The following DLGAP2 variants were observed in gnomAD, a reference collection of about 807,000 sequenced individuals.
The protein encoded by DLGAP2 is DLG associated protein 2.
Under a neutral mutation model 100.3 loss-of-function variants are expected in DLGAP2, and 26 were observed. That is an observed-to-expected ratio of 0.26 (90% CI 0.19 to 0.36). The LOEUF (loss-of-function observed/expected upper bound fraction) is 0.36. DLGAP2 is among the 10% of genes least tolerant of loss of function. DLGAP2 has a pLI of 1.00. For synonymous variants in DLGAP2, 886 were observed against 630.1 expected (o/e 1.41, Z -6.08); for missense variants, 1,858 against 1,453.2 (o/e 1.28, Z -4.53).
At chr8:1,519,427 C>T (rs1324255388) in intron 4 of DLGAP2, among the ~76,000 whole-genome samples, 1 of 152,158 alleles carries the variant, frequency 6.6e-6, no homozygotes, top group Non-Finnish European at 1.5e-5. Flanking sequence ...CTGAAAGGGC[C>T]TTTGCAATTC....
At chr8:871,351 A>G (rs1404159700) in intron 1 of DLGAP2, among the ~76,000 whole-genome samples, 1 of 152,200 alleles carries the variant, frequency 6.6e-6, no homozygotes, top group East Asian at 1.9e-4. Flanking sequence ...TTCCATTTGC[A>G]CTTTGGGTTA....
chr8:1,341,513 G>A (rs1329367098), intron 3 of DLGAP2, among the ~76,000 whole-genome samples: 1 of 152,178 alleles, frequency 6.6e-6, no homozygotes, highest in Non-Finnish European at 1.5e-5. Context: ...CCTACAGTAT[G>A]GGCTGGATGA....
chr8:1,245,595 G>T (rs1028788241), intron 2 of DLGAP2, among the ~76,000 whole-genome samples: 1 of 152,196 alleles, frequency 6.6e-6, no homozygotes, highest in Admixed American at 6.5e-5. Flanking sequence ...TGGAAATGAG[G>T]GTTAACTGCC....
At chr8:1,049,559 G>T (rs1340433880) in intron 2 of DLGAP2, among the ~76,000 whole-genome samples, 1 of 151,962 alleles carries the variant, frequency 6.6e-6, no homozygotes, top group Non-Finnish European at 1.5e-5. Context: ...AAAAGGTAGG[G>T]CGTATACAAA....
At chr8:1,496,212 C>T (rs948644651) in intron 3 of DLGAP2, among the ~76,000 whole-genome samples, 27 of 152,152 alleles carry the variant, frequency 1.8e-4, no homozygotes, top group South Asian at 2.1e-4. Context: ...GTTCTGCCTC[C>T]CTCCATCATC....
chr8:1,528,303 G>C (rs551241182), intron 4 of DLGAP2, among the ~76,000 whole-genome samples: 25 of 152,322 alleles, frequency 1.6e-4, no homozygotes, highest in Middle Eastern at 6.8e-3. Context: ...AGGAGGACCT[G>C]AGCCCACGAA....
intron 1 of DLGAP2, among the ~76,000 whole-genome samples, chr8:747,140 C>G (rs1281657538): frequency 6.6e-6 from 1 of 152,044 alleles, no homozygotes; most frequent in Non-Finnish European, 1.5e-5. Context: ...GTCCTAGAGA[C>G]CAGGAGGCTC....
At chr8:750,152 G>C (rs373339089) in intron 1 of DLGAP2, among the ~76,000 whole-genome samples, 102 of 152,342 alleles carry the variant, frequency 6.7e-4, no homozygotes, top group South Asian at 1.2e-3. Flanking sequence ...CCTAGGGCCG[G>C]TTAGGCCGGC....
intron 2 of DLGAP2, among the ~76,000 whole-genome samples, chr8:923,321 C>CACGT (rs1176057429): frequency 6.6e-6 from 1 of 152,208 alleles, no homozygotes; most frequent in Admixed American, 6.5e-5. Context: ...TCTCCTGTGT[C>CACGT]ACGTCCCATG....
chr8:1,526,564 G>A (rs776918967), intron 4 of DLGAP2, among the ~76,000 whole-genome samples: 1 of 152,214 alleles, frequency 6.6e-6, no homozygotes, highest in African/African-American at 2.4e-5. Context: ...TGTTCTCATA[G>A]CGAGACTTCC....
chr8:1,518,265 C>T (rs926308311), intron 4 of DLGAP2, among the ~76,000 whole-genome samples: 2 of 152,174 alleles, frequency 1.3e-5, no homozygotes, highest in Non-Finnish European at 1.5e-5. Flanking sequence ...CATTCTGGCC[C>T]TAATGAAATC....
chr8:795,605 C>T (rs1213075617), intron 1 of DLGAP2, among the ~76,000 whole-genome samples: 1 of 104,978 alleles, frequency 9.5e-6, no homozygotes, highest in Admixed American at 9.4e-5. Flanking sequence ...ACAGGTCCGT[C>T]ATGGAGCAGG....
chr8:792,770 A>C (rs1482811217), intron 1 of DLGAP2, among the ~76,000 whole-genome samples: 2 of 152,224 alleles, frequency 1.3e-5, no homozygotes, highest in Admixed American at 1.3e-4. Flanking sequence ...TTTTGAATGA[A>C]ATAATAACCG....
intron 3 of DLGAP2, among the ~76,000 whole-genome samples, chr8:1,269,253 C>T (rs1799530746): frequency 6.6e-6 from 1 of 152,192 alleles, no homozygotes; most frequent in African/African-American, 2.4e-5. Flanking sequence ...TCCCAGGACA[C>T]CATGCTGGGT....
chr8:1,193,619 C>A (rs1329207709), intron 2 of DLGAP2, among the ~76,000 whole-genome samples: 1 of 152,182 alleles, frequency 6.6e-6, no homozygotes, highest in East Asian at 1.9e-4. Flanking sequence ...TGTGTGTCCG[C>A]TGGTGGATAC....
intron 2 of DLGAP2, among the ~76,000 whole-genome samples, chr8:1,243,686 G>A (rs895330167): frequency 6.6e-6 from 1 of 151,976 alleles, no homozygotes; most frequent in East Asian, 1.9e-4. Flanking sequence ...GGAGCCTGCC[G>A]ATGCCCATGC....
intron 3 of DLGAP2, chr8:1,301,689 C>G (rs1051295354): frequency 6.6e-6 from 1 of 152,144 alleles, no homozygotes; most frequent in African/African-American, 2.4e-5. Context: ...GGAGATGATT[C>G]CAGGTTGGGA....
At chr8:1,470,805 C>T (rs1264892950) in intron 3 of DLGAP2, among the ~76,000 whole-genome samples, 3 of 122,816 alleles carry the variant, frequency 2.4e-5, no homozygotes, top group African/African-American at 9.0e-5. Flanking sequence ...CCCCTCCAGC[C>T]TTTCCCGACC....
intron 2 of DLGAP2, among the ~76,000 whole-genome samples, chr8:973,407 G>C (rs1352675502): frequency 6.6e-6 from 1 of 151,548 alleles, no homozygotes; most frequent in East Asian, 2.0e-4. Flanking sequence ...GGGGCGGCCG[G>C]GCAGAGACGC....
Sources: allele counts gnomAD v4.1 joint callset (sites outside exome capture counted in the v4.1 genomes callset), GRCh38; gene constraint gnomAD v4.1.1; transcripts MANE v1.5; gene names NCBI Gene and HGNC (gene_info 2026-07-23, HGNC 2026-07-21).